Variants in ITGA8 observed in about 807,000 individuals in gnomAD.
ITGA8 encodes the protein integrin alpha-8.
In ITGA8, 91 loss-of-function variants were observed where a neutral mutation model predicts 142.3. The ratio of observed to expected loss-of-function variants is 0.64; its 90% confidence interval spans 0.54 to 0.76. The LOEUF (loss-of-function observed/expected upper bound fraction) is 0.76, where lower values mean the gene tolerates loss of function less well. ITGA8 is among the 30% of genes least tolerant of loss of function. The pLI is 0.00. For missense variants in ITGA8, 1,406 were observed against 1,327.7 expected, an observed-to-expected ratio of 1.06 and a Z score of -0.92; for synonymous variants, 505 against 485.2, an observed-to-expected ratio of 1.04 and a Z score of -0.54.
At chr10:15,608,384 T>C (rs1395690424) in intron 15 of ITGA8, 94 bp from the exon 16 acceptor site, 2 of 707,944 alleles carry the variant, frequency 2.8e-6, no homozygotes, top group African/African-American at 3.9e-5. Flanking sequence ...AATATCATTT[T>C]CTCTATATAT....
Position 15,642,916 on chromosome 10 carries a change from G to T in ITGA8, c.1399+1114C>A, listed in dbSNP as rs45605241. Among the ~76,000 whole-genome samples the T allele has an allele frequency of 7.2e-5, 11 of 152,276 alleles. No individual in the cohort carries two copies. The East Asian group carries it at 1.5e-3, about 21-fold the overall frequency. On this transcript the variant is annotated intron_variant, in intron 13 of 29. Coordinates refer to ENST00000378076, the MANE Select transcript of ITGA8 (RefSeq NM_003638.3). ...CTACATATGGAAAATTCCCAATCAG[G>T]GGAGGGGCTAGTGGAAAGAGACAAG... is the stretch of plus-strand genomic sequence containing the variant.
At chr10:15,600,994 C>T (rs183777083) in intron 20 of ITGA8, among the ~76,000 whole-genome samples, 5 of 152,278 alleles carry the variant, frequency 3.3e-5, no homozygotes, top group Admixed American at 1.3e-4. Flanking sequence ...AATCTCAGCA[C>T]TTTGGGAGGC....
chr10:15,573,887 AC>A (rs1169849856), intron 24 of ITGA8, among the ~76,000 whole-genome samples: 4 of 152,146 alleles, frequency 2.6e-5, no homozygotes, highest in East Asian at 1.9e-4. Flanking sequence ...AAAAAAAAAA[AC>A]AAAAGCAAAA....
intron 7 of ITGA8, 80 bp from the exon 8 acceptor site, chr10:15,671,727 G>A (rs1034674384): frequency 9.3e-7 from 1 of 1,074,534 alleles, no homozygotes; most frequent in Non-Finnish European, 1.4e-6. Flanking sequence ...AGGTGAAAGG[G>A]CTACCATGGT....
chr10:15,583,515 A>G (rs1348581638), intron 23 of ITGA8, among the ~76,000 whole-genome samples: 1 of 152,172 alleles, frequency 6.6e-6, no homozygotes, highest in African/African-American at 2.4e-5. Context: ...AAGTATAATA[A>G]TAAAAAAGTA....
chr10:15,586,508 C>A, intron 23 of ITGA8, 76 bp downstream of exon 23: 5 of 833,404 alleles, frequency 6.0e-6, no homozygotes, highest in Non-Finnish European at 9.9e-6. Context: ...AGGAAAATTC[C>A]ACATCATTTT....
chr10:15,615,744 C>T (rs762694156), intron 14 of ITGA8, among the ~76,000 whole-genome samples: 3 of 152,080 alleles, frequency 2.0e-5, no homozygotes, highest in African/African-American at 7.2e-5. Flanking sequence ...AAATGCCTGA[C>T]CTCAAGTGAT....
chr10:15,675,902 T>C (rs989644063), intron 6 of ITGA8, among the ~76,000 whole-genome samples: 1 of 152,224 alleles, frequency 6.6e-6, no homozygotes, highest in Non-Finnish European at 1.5e-5. Context: ...TATATGCCAT[T>C]GCTATGGTAA....
At chr10:15,596,964 A>G in intron 21 of ITGA8, 1 of 421,828 alleles carries the variant, frequency 2.4e-6, no homozygotes, top group Non-Finnish European at 4.2e-6. Flanking sequence ...TAACTAAAAG[A>G]CAGGCAAGAG....
intron 6 of ITGA8, 68 bp downstream of exon 6, chr10:15,677,524 C>A: frequency 8.0e-7 from 1 of 1,252,088 alleles, no homozygotes; most frequent in Non-Finnish European, 1.1e-6. Flanking sequence ...ACATTTAACA[C>A]TACTTCTGGG....
intron 23 of ITGA8, among the ~76,000 whole-genome samples, chr10:15,576,240 T>C (rs1290858129): frequency 6.6e-6 from 1 of 152,090 alleles, no homozygotes; most frequent in Non-Finnish European, 1.5e-5. Flanking sequence ...CTTATAGATA[T>C]CTCAAGTGTG....
intron 22 of ITGA8, among the ~76,000 whole-genome samples, chr10:15,591,675 C>T (rs1832925376): frequency 6.6e-6 from 1 of 152,126 alleles, no homozygotes; most frequent in African/African-American, 2.4e-5. Context: ...CAAACAGCAT[C>T]AGCCTTAGAA....
At chr10:15,667,919 G>C (rs1834427784) in intron 8 of ITGA8, among the ~76,000 whole-genome samples, 1 of 152,208 alleles carries the variant, frequency 6.6e-6, no homozygotes, top group African/African-American at 2.4e-5. Context: ...TACATTTGCT[G>C]AGGAGTGCTT....
intron 5 of ITGA8, among the ~76,000 whole-genome samples, chr10:15,678,257 T>C (rs1335478563): frequency 6.6e-6 from 1 of 152,196 alleles, no homozygotes; most frequent in African/African-American, 2.4e-5. Context: ...TATACTATTT[T>C]CAAAACCACA....
In ITGA8 at chr10:15,719,544, C is replaced by T. The variant is rs779751781; in HGVS notation, c.209+19G>A. 33 of 1,539,052 alleles carry T rather than the reference C, an allele frequency of 2.1e-5. No individual in the cohort carries two copies. In the South Asian group the frequency reaches 3.5e-4, roughly 17 times the overall value. On this transcript the variant is annotated intron_variant, in intron 1 of 29. Transcript: ENST00000378076. ...GCGCCTTCGTCCCCGCGCGCACCTC[C>T]CCGGGTCGGGCGACTTACGTGCGGG...
In ITGA8 at chr10:15,527,906, C is replaced by CTTTTTTTTTTTTTTT. The variant is rs34758919; in HGVS notation, c.2982+3129_2982+3143dup. On this transcript the variant is annotated intron_variant, in intron 28 of 29. Coordinates refer to ENST00000378076, the MANE Select transcript of ITGA8 (RefSeq NM_003638.3). ...TTAAAGCAATTCCCTTTCGGCTGGG[C>CTTTTTTTTTTTTTTT]TTTTTTTTTTTTTTTTTTTTTTTTT... 1.2e-4 allele frequency among the ~76,000 whole-genome samples: 9 copies of CTTTTTTTTTTTTTTT among 78,036 alleles called. 3 individuals are homozygous for CTTTTTTTTTTTTTTT. The highest frequency in any genetic ancestry group is 3.4e-4 in the Admixed American group (2 of 5,886). 51.2% of individuals were successfully genotyped at this position (78,036 alleles called of 152,430 possible). A position where few individuals can be genotyped will look rare whatever the true frequency, so the allele number is the denominator to read the frequency against.
chr10:15,630,820 T>C (rs559232821), intron 13 of ITGA8, among the ~76,000 whole-genome samples: 19 of 152,012 alleles, frequency 1.2e-4, no homozygotes, highest in Non-Finnish European at 8.8e-5. Flanking sequence ...ATTCCTTATA[T>C]CCTATTTTTT....
intron 2 of ITGA8, 107 bp downstream of exon 2, chr10:15,718,659 A>C (rs1247108328): frequency 7.1e-7 from 1 of 1,398,898 alleles, no homozygotes; most frequent in East Asian, 2.3e-5. Context: ...CGGACATATC[A>C]GACAAGCTAA....
At chr10:15,605,476 A>T (rs923767007) in intron 19 of ITGA8, among the ~76,000 whole-genome samples, 5 of 124,936 alleles carry the variant, frequency 4.0e-5, no homozygotes, top group Non-Finnish European at 9.1e-5. Flanking sequence ...TTCAACAAAA[A>T]CATTTTTTTC....
Sources: gnomAD v4.1 joint callset for allele counts (sites outside exome capture counted in the v4.1 genomes callset) on GRCh38, gnomAD v4.1.1 for gene constraint, MANE v1.5 for transcripts, NCBI Gene and HGNC (gene_info 2026-07-23, HGNC 2026-07-21) for gene names.